The following CACNA1C variants were observed in gnomAD, a reference collection of about 807,000 sequenced individuals.
CACNA1C encodes voltage-dependent L-type calcium channel subunit alpha-1C.
A neutral mutation model predicts 229.0 loss-of-function variants in CACNA1C; 30 were observed. The observed-to-expected ratio is 0.13, with a 90% CI of 0.10 to 0.18. CACNA1C has a LOEUF of 0.18. CACNA1C is among the 10% of genes least tolerant of loss of function. The pLI is 1.00. For synonymous variants in CACNA1C, 1,114 were observed against 1,132.5 expected, an observed-to-expected ratio of 0.98 and a Z score of 0.33; for missense variants, 1,658 against 2,845.0, an observed-to-expected ratio of 0.58 and a Z score of 9.49.
At chr12:2,128,161 G>A (rs1164754343) in intron 3 of CACNA1C, among the ~76,000 whole-genome samples, 2 of 152,160 alleles carry the variant, frequency 1.3e-5, no homozygotes, top group African/African-American at 4.8e-5. Flanking sequence ...GAAGTAAAGT[G>A]ACTTGGTGAG....
At chr12:2,255,606 G>T (rs746586273) in intron 3 of CACNA1C, among the ~76,000 whole-genome samples, 12 of 152,212 alleles carry the variant, frequency 7.9e-5, no homozygotes, top group Non-Finnish European at 1.6e-4. Flanking sequence ...TACTAAGTGT[G>T]TGACAGTAAG....
At chr12:2,419,525 A>G (rs1464532859) in intron 3 of CACNA1C, among the ~76,000 whole-genome samples, 2 of 152,108 alleles carry the variant, frequency 1.3e-5, no homozygotes, top group African/African-American at 4.8e-5. Context: ...CCACCATGCC[A>G]GTTCCCTTTC....
At chr12:2,590,564 G>C (rs1217562656) in intron 18 of CACNA1C, among the ~76,000 whole-genome samples, 1 of 152,106 alleles carries the variant, frequency 6.6e-6, no homozygotes, top group African/African-American at 2.4e-5. Context: ...ATCTGAGTTT[G>C]TCCTTCAGAA....
Position 2,136,001 on chromosome 12 carries a change from G to A in CACNA1C, c.477+15571G>A, listed in dbSNP as rs536755335. Among the ~76,000 whole-genome samples, 770 of 150,426 alleles carry A rather than the reference G, an allele frequency of 5.1e-3. 18 individuals are homozygous for A. Among genetic ancestry groups the A allele is most frequent in the South Asian group, 0.02 (93 of 4,714 alleles). On this transcript the variant is annotated intron_variant, in intron 3 of 46. Coordinates refer to ENST00000399655, the MANE Select transcript of CACNA1C (RefSeq NM_000719.7). The stretch of plus-strand genomic sequence containing the variant: ...CCCTCCGAGCCAGGTGTGGGATATA[G>A]TCTCGTGGTGCGCCGTTTTTTAAGC...
chr12:2,012,242 T>G (rs1048549165), intron 1 of CACNA1C, among the ~76,000 whole-genome samples: 12 of 152,190 alleles, frequency 7.9e-5, no homozygotes, highest in African/African-American at 2.7e-4. Context: ...TATCTACTTC[T>G]ATAATGCTGA....
chr12:2,138,454 T>C (rs1315654948), intron 3 of CACNA1C, among the ~76,000 whole-genome samples: 2 of 151,008 alleles, frequency 1.3e-5, no homozygotes, highest in African/African-American at 4.8e-5. Flanking sequence ...TGGAGGTGCT[T>C]GAACCCTGGC....
At position 2,034,222 on chromosome 12, in the gene CACNA1C, C is replaced by T. The variant is rs1241021436; in HGVS notation, c.139+63021C>T. ...TCAGTGACTCGCCCAAACTCACATG[C>T]TTAGTGTGGGAAAGTTAAGATTTTG... On this transcript the variant is annotated intron_variant, in intron 1 of 46. Coordinates refer to the CACNA1C transcript ENST00000682462. The surrounding 1 kb of genome is among the most constrained non-coding windows in gnomAD (Gnocchi z 4.1). Among the ~76,000 whole-genome samples, 1 of 152,180 alleles carries T rather than the reference C, an allele frequency of 6.6e-6. No homozygotes were observed. Among genetic ancestry groups the T allele is most frequent in the Non-Finnish European group, 1.5e-5 (1 of 68,040 alleles).
At chr12:2,343,450 C>T (rs2096919665) in intron 3 of CACNA1C, among the ~76,000 whole-genome samples, 1 of 152,180 alleles carries the variant, frequency 6.6e-6, no homozygotes, top group South Asian at 2.1e-4. Context: ...ACACAAGATG[C>T]CCAGCTGGAT....
At chr12:2,450,466 A>G (rs1422286095) in intron 4 of CACNA1C, among the ~76,000 whole-genome samples, 1 of 139,338 alleles carries the variant, frequency 7.2e-6, no homozygotes, top group Non-Finnish European at 1.5e-5. Flanking sequence ...AGGCAGGAGA[A>G]TGGCGTGAAC....
chr12:2,121,015 A>G (rs1224401295), intron 3 of CACNA1C, among the ~76,000 whole-genome samples: 1 of 152,196 alleles, frequency 6.6e-6, no homozygotes, highest in African/African-American at 2.4e-5. Flanking sequence ...GGTCCATGGA[A>G]AAAGTGGAGA....
intron 3 of CACNA1C, among the ~76,000 whole-genome samples, chr12:2,345,279 T>C (rs555133472): frequency 2.0e-5 from 3 of 151,888 alleles, no homozygotes; most frequent in South Asian, 4.2e-4. Flanking sequence ...GGCATAGATA[T>C]CAAGGCTCGA....
chr12:2,485,671 G>A (rs1434142756), intron 5 of CACNA1C, among the ~76,000 whole-genome samples: 1 of 152,096 alleles, frequency 6.6e-6, no homozygotes, highest in African/African-American at 2.4e-5. Context: ...CCAGCTCTGG[G>A]ACTTTTTCCA....
At chr12:2,245,639 G>A (rs1330576619) in intron 3 of CACNA1C, among the ~76,000 whole-genome samples, 1 of 152,132 alleles carries the variant, frequency 6.6e-6, no homozygotes, top group Non-Finnish European at 1.5e-5. Context: ...CCATTTCTCT[G>A]TAATTCTGAA....
intron 3 of CACNA1C, among the ~76,000 whole-genome samples, chr12:2,425,628 C>G (rs1219640516): frequency 3.9e-5 from 6 of 152,216 alleles, no homozygotes; most frequent in Non-Finnish European, 7.3e-5. Context: ...TACAATATAA[C>G]CTTTTGCAGC....
At chr12:2,162,064 G>A (rs184129886) in intron 3 of CACNA1C, among the ~76,000 whole-genome samples, 281 of 152,258 alleles carry the variant, frequency 1.8e-3, no homozygotes, top group African/African-American at 6.7e-3. Flanking sequence ...CTCATCTGTA[G>A]GAATGGGGAT....
At chr12:2,129,414 A>G (rs922106118) in intron 3 of CACNA1C, among the ~76,000 whole-genome samples, 16 of 152,330 alleles carry the variant, frequency 1.1e-4, no homozygotes, top group African/African-American at 3.8e-4. Context: ...TTGCCAGCGG[A>G]TGGGAAAAGA....
At chr12:2,684,183 C>T (rs1189713845) in intron 43 of CACNA1C, among the ~76,000 whole-genome samples, 4 of 152,154 alleles carry the variant, frequency 2.6e-5, no homozygotes, top group Non-Finnish European at 5.9e-5. Flanking sequence ...GTAGCAGAAG[C>T]ACCTCCTTTT....
chr12:2,674,836 G>C (rs1234846638), intron 39 of CACNA1C, among the ~76,000 whole-genome samples, 194 bp downstream of exon 39: 1 of 152,226 alleles, frequency 6.6e-6, no homozygotes, highest in East Asian at 1.9e-4. Context: ...GGTTAGAAGG[G>C]AGGCAGGTGC....
chr12:2,057,099 T>C (rs1349069955), intron 1 of CACNA1C, among the ~76,000 whole-genome samples: 1 of 152,216 alleles, frequency 6.6e-6, no homozygotes, highest in Non-Finnish European at 1.5e-5. Flanking sequence ...TGATGAGCCG[T>C]TAGCCCCGTG....
Sources: allele counts gnomAD v4.1 joint callset (sites outside exome capture counted in the v4.1 genomes callset), GRCh38; gene constraint gnomAD v4.1.1; non-coding constraint Gnocchi (gnomAD v3.1); transcripts MANE v1.5; gene names NCBI Gene and HGNC (gene_info 2026-07-23, HGNC 2026-07-21).